ZNF730: variants seen among roughly 807,000 people sequenced by gnomAD.
The protein encoded by ZNF730 is putative zinc finger protein 730.
ZNF730 carries 12 observed loss-of-function variants against 12.6 expected under a neutral mutation model. The observed-to-expected ratio is 0.95, with a 90% CI of 0.61 to 1.54. ZNF730 has a LOEUF of 1.54. ZNF730 is among the 40% of genes most tolerant of loss of function. The pLI is 0.00. For synonymous variants in ZNF730, 194 were observed against 195.8 expected, an observed-to-expected ratio of 0.99 and a Z score of 0.08; for missense variants, 643 against 583.5, an observed-to-expected ratio of 1.10 and a Z score of -1.05.
intron 1 of ZNF730, chr19:23,127,273 A>G (rs1970682960): frequency 4.5e-6 from 3 of 663,962 alleles, no homozygotes; most frequent in Non-Finnish European, 8.4e-6. Flanking sequence ...TTCCTTGCAC[A>G]CTCAAATCTT....
chr19:23,092,979 TG>T (rs1236909888), intron 1 of ZNF730, among the ~76,000 whole-genome samples: 2 of 152,138 alleles, frequency 1.3e-5, no homozygotes, highest in African/African-American at 4.8e-5. Context: ...TCTCCTCAAT[TG>T]TTTTTTTGTT....
At chr19:23,144,846 T>C (rs749421075) in intron 3 of ZNF730, among the ~76,000 whole-genome samples, 24 of 152,142 alleles carry the variant, frequency 1.6e-4, no homozygotes, top group Non-Finnish European at 3.2e-4. Flanking sequence ...CTTTCAGAAC[T>C]TTTTGTCATA....
chr19:23,135,121 A>G (rs1410091110), intron 2 of ZNF730, among the ~76,000 whole-genome samples: 1 of 140,512 alleles, frequency 7.1e-6, no homozygotes, highest in Non-Finnish European at 1.5e-5. Context: ...TAGGAAAACC[A>G]GAGACCTTTG....
chr19:23,105,103 A>G (rs551020592), intron 1 of ZNF730, among the ~76,000 whole-genome samples: 38 of 145,812 alleles, frequency 2.6e-4, no homozygotes, highest in African/African-American at 9.4e-4. Flanking sequence ...CAGTCCTGTT[A>G]TGATTTTTTC....
At chr19:23,094,279 TTC>T (rs992448835) in intron 1 of ZNF730, among the ~76,000 whole-genome samples, 12 of 151,738 alleles carry the variant, frequency 7.9e-5, no homozygotes, top group African/African-American at 2.9e-4. Context: ...TTTAGATTTT[TTC>T]TTTTCTTTTT....
intron 1 of ZNF730, among the ~76,000 whole-genome samples, chr19:23,091,000 CA>C (rs145906466): frequency 0.045 from 5,657 of 125,416 alleles, 124 homozygotes; most frequent in Non-Finnish European, 0.059. Flanking sequence ...GACTTCGTCT[CA>C]AAAAAAAAAA....
chr19:23,119,869 T>C (rs1345942611), intron 1 of ZNF730, among the ~76,000 whole-genome samples: 1 of 152,088 alleles, frequency 6.6e-6, no homozygotes, highest in Non-Finnish European at 1.5e-5. Flanking sequence ...ATATAATGAG[T>C]TGGGGAGGAG....
intron 1 of ZNF730, among the ~76,000 whole-genome samples, chr19:23,104,921 G>A (rs187233484): frequency 1.4e-3 from 215 of 152,204 alleles, no homozygotes; most frequent in Non-Finnish European, 2.6e-3. Context: ...CCAGCTCACA[G>A]GTATTTGAGG....
At chr19:23,121,402 G>T (rs753719147) in intron 1 of ZNF730, among the ~76,000 whole-genome samples, 2 of 152,034 alleles carry the variant, frequency 1.3e-5, no homozygotes, top group Non-Finnish European at 1.5e-5. Context: ...GTAGTGGCAC[G>T]ATCTCGGCTC....
intron 1 of ZNF730, among the ~76,000 whole-genome samples, chr19:23,108,530 A>T (rs775780137): frequency 6.6e-6 from 1 of 152,228 alleles, no homozygotes; most frequent in Non-Finnish European, 1.5e-5. Context: ...GATGTACTCA[A>T]ATACTTTGCT....
intron 1 of ZNF730, among the ~76,000 whole-genome samples, chr19:23,101,080 T>A (rs1970330991): frequency 6.6e-6 from 1 of 152,232 alleles, no homozygotes; most frequent in Non-Finnish European, 1.5e-5. Context: ...AGGAAAGATC[T>A]TCTTGGACAA....
intron 1 of ZNF730, among the ~76,000 whole-genome samples, chr19:23,105,127 T>C (rs1215310051): frequency 6.6e-6 from 1 of 151,074 alleles, no homozygotes; most frequent in Non-Finnish European, 1.5e-5. Flanking sequence ...TCTTTTTTTT[T>C]TTTTTTTTTA....
chr19:23,097,138 C>G (rs947836933), intron 1 of ZNF730, among the ~76,000 whole-genome samples: 1 of 152,170 alleles, frequency 6.6e-6, no homozygotes, highest in African/African-American at 2.4e-5. Flanking sequence ...CTTCTCCTGC[C>G]TAGTTTCTTC....
chr19:23,080,445 G>C (rs1220206338), intron 1 of ZNF730, among the ~76,000 whole-genome samples: 1 of 151,346 alleles, frequency 6.6e-6, no homozygotes, highest in Non-Finnish European at 1.5e-5. Flanking sequence ...GCGTGATCTC[G>C]GCTCACTGCA....
In ZNF730 at chr19:23,090,121, C is replaced by T. The variant is rs1003726466; in HGVS notation, c.-94+14734C>T. Among the ~76,000 whole-genome samples, 4 of 152,136 alleles carry T rather than the reference C, an allele frequency of 2.6e-5. No homozygotes were observed. In the East Asian group the frequency reaches 5.8e-4, roughly 22 times the overall value. ...ATCAGCTGGGTGTGGTGGCGCATGC[C>T]TGTAGTCCCAGCCACTTGGGAGGCC... On this transcript the variant is annotated intron_variant, in intron 1 of 2. Coordinates refer to the ZNF730 transcript ENST00000593635.
intron 1 of ZNF730, among the ~76,000 whole-genome samples, chr19:23,101,472 A>C (rs755109465): frequency 1.3e-5 from 2 of 152,206 alleles, no homozygotes; most frequent in Non-Finnish European, 2.9e-5. Context: ...ACTCATACCT[A>C]GCACCTGGAC....
intron 1 of ZNF730, among the ~76,000 whole-genome samples, chr19:23,119,475 A>G (rs1167036208): frequency 6.6e-6 from 1 of 152,144 alleles, no homozygotes; most frequent in Non-Finnish European, 1.5e-5. Flanking sequence ...TTCATCAAGG[A>G]TATTAGCCTG....
chr19:23,116,573 CTTTTT>C (rs5827552), upstream of ZNF730, among the ~76,000 whole-genome samples: 9 of 86,914 alleles, frequency 1.0e-4, no homozygotes, highest in Admixed American at 3.3e-4. Flanking sequence ...CTCCCAGCTA[CTTTTT>C]TTTTTTTTTT....
intron 1 of ZNF730, among the ~76,000 whole-genome samples, chr19:23,124,464 G>A (rs908948725): frequency 1.3e-5 from 2 of 152,152 alleles, no homozygotes; most frequent in African/African-American, 4.8e-5. Flanking sequence ...TCTGGAGCTC[G>A]ACCAGAGCAG....
Sources: allele counts gnomAD v4.1 joint callset (sites outside exome capture counted in the v4.1 genomes callset), GRCh38; gene constraint gnomAD v4.1.1; transcripts MANE v1.5; gene names NCBI Gene and HGNC (gene_info 2026-07-23, HGNC 2026-07-21).